The following NCSTN variants were observed in gnomAD, a reference collection of about 807,000 sequenced individuals.
NCSTN encodes nicastrin.
In NCSTN, 22 loss-of-function variants were observed where a neutral mutation model predicts 87.0. That is an observed-to-expected ratio of 0.25 (90% CI 0.18 to 0.36). The LOEUF is 0.36. NCSTN is among the 10% of genes least tolerant of loss of function. NCSTN has a pLI of 1.00. For missense variants in NCSTN, 693 were observed against 883.3 expected (o/e 0.78, Z 2.73); for synonymous variants, 306 against 327.1 (o/e 0.94, Z 0.69).
Position 160,357,181 on chromosome 1 carries a change from C to T in NCSTN, c.1935C>T (p.Tyr645=), listed in dbSNP as rs2101910806. ...FELSQWSSTE[Y]STWTESRWKD... ...TGAGTCAGTGGAGCTCTACTGAATA[C>T]TCTACATGGACTGAGAGCCGCTGGA... The change falls in exon 16 of 17, where the codon TAC becomes TAT. Residue 645 remains tyrosine (Y), a synonymous_variant. Transcript: ENST00000294785. The T allele has an allele frequency of 1.2e-6, 2 of 1,614,194 alleles. No homozygotes were observed. The highest frequency in any genetic ancestry group is 1.7e-6 in the Non-Finnish European group (2 of 1,180,030).
In NCSTN at chr1:160,352,086, C is replaced by T. The variant is rs1648881368; in HGVS notation, c.876C>T (p.Ala292=). ...GTCGTTCCTTTTTCTGGAATGTGGC[C>T]CCAGGGGCTGAAAGCGCAGTGGCTT... ...LDSRSFFWNV[A]PGAESAVASF... Residue 292 remains alanine (A), a synonymous_variant, in exon 8 of 17, where the codon GCC becomes GCT. Coordinates refer to ENST00000294785, the MANE Select transcript of NCSTN (RefSeq NM_015331.3). The T allele has an allele frequency of 3.1e-6, 5 of 1,614,046 alleles. No individual in the cohort carries two copies. Among genetic ancestry groups the T allele is most frequent in the South Asian group, 1.1e-5 (1 of 91,088 alleles).
chr1:160,343,954 G>GT (rs35301624), intron 1 of NCSTN: 5,622 of 151,856 alleles, frequency 0.037, 21 homozygotes, highest in South Asian at 0.068. Flanking sequence ...CTTGCCTCAG[G>GT]TTTTTTTTTT....
chr1:160,356,038 C>A, intron 13 of NCSTN, 80 bp downstream of exon 13: 1 of 1,339,484 alleles, frequency 7.5e-7, no homozygotes, highest in Non-Finnish European at 1.1e-6. Flanking sequence ...GTGTCCCAAA[C>A]CTTGGAATTC....
intron 15 of NCSTN, 119 bp downstream of exon 15, chr1:160,356,873 C>A (rs964308813): frequency 2.8e-6 from 4 of 1,440,000 alleles, no homozygotes. Flanking sequence ...AGATGCAGTC[C>A]TCAGCAATTG....
chr1:160,351,604 C>A (rs868040687), intron 6 of NCSTN, 92 bp from the exon 7 acceptor site: 4 of 1,317,820 alleles, frequency 3.0e-6, no homozygotes, highest in African/African-American at 2.9e-5. Context: ...ACTTAGAGTC[C>A]GTGGGGCACT....
rs1187658518 is a variant in NCSTN at position 160,349,021 on chromosome 1, G to A, written c.213G>A (p.Gly71=). 1 of 1,614,190 alleles carries A rather than the reference G, an allele frequency of 6.2e-7. No homozygotes were observed. Among genetic ancestry groups the A allele is most frequent in the Non-Finnish European group, 8.5e-7 (1 of 1,180,034 alleles). ...GCQSSISGDT[G]VIHVVEKEED... is the part of the protein sequence containing the mutation. Reference sequence around the variant, plus strand: ...CAGCTTCAATTAGTGGAGACACAGGGGTTATCCACGTAGTAGAGAAAGAGG... The same window carrying A: ...CAGCTTCAATTAGTGGAGACACAGGAGTTATCCACGTAGTAGAGAAAGAGG... The change falls in exon 3 of 17, where the codon GGG becomes GGA. Residue 71 remains glycine, a synonymous_variant. Transcript: ENST00000294785.
chr1:160,344,929 G>T, intron 2 of NCSTN, 103 bp downstream of exon 2: 1 of 954,282 alleles, frequency 1.0e-6, no homozygotes. Context: ...ACTTATATTG[G>T]ACTGTATGTA....
Position 160,351,219 on chromosome 1 carries a change from C to T in NCSTN, c.583-3C>T. 1 of 1,614,176 alleles carries T rather than the reference C, an allele frequency of 6.2e-7. No individual in the cohort carries two copies. The highest frequency in any genetic ancestry group is 8.5e-7 in the Non-Finnish European group (1 of 1,180,022). Reference sequence around the variant, plus strand: ...TCTCAGTGGGGTCCATCTCCCCTTTCAGTGCTATCAAGATCACAACCTGAG... The same window carrying T: ...TCTCAGTGGGGTCCATCTCCCCTTTTAGTGCTATCAAGATCACAACCTGAG... On this transcript the variant is annotated splice_region_variant and splice_polypyrimidine_tract_variant and intron_variant, in intron 5 of 16. Transcript: ENST00000294785.
At chr1:160,353,499 T>C in intron 10 of NCSTN, 2 of 1,361,454 alleles carry the variant, frequency 1.5e-6, no homozygotes, top group Non-Finnish European at 1.9e-6. Context: ...CCATTAAGGA[T>C]AGGTGAGTGA....
At position 160,346,746 on chromosome 1, in the gene NCSTN, C is replaced by T. The variant is rs546236477; in HGVS notation, c.190+1920C>T. Among the ~76,000 whole-genome samples the T allele has an allele frequency of 3.3e-5, 5 of 152,248 alleles. No homozygotes were observed. In the South Asian group the frequency reaches 1.0e-3, roughly 32 times the overall value. ...TCAGCTTCTTGAATAGCTGGGATTA[C>T]AGGCGCGTGCCACCGTGCCCAGCTA... On this transcript the variant is annotated intron_variant, in intron 2 of 16. Transcript: ENST00000294785.
In NCSTN at chr1:160,353,624, G is replaced by A. The variant is rs552275008; in HGVS notation, c.1179+387G>A. On this transcript the variant is annotated intron_variant, in intron 10 of 16. Coordinates refer to ENST00000294785, the MANE Select transcript of NCSTN (RefSeq NM_015331.3). ...TTGTCCTCCACTTTCCTCATTGCTTGTTCAAAACCTTCCCTTCCCTCTAGG... is the reference window on the plus strand; with the variant it reads ...TTGTCCTCCACTTTCCTCATTGCTTATTCAAAACCTTCCCTTCCCTCTAGG... 61 of 1,184,974 alleles carry A rather than the reference G, an allele frequency of 5.1e-5. No homozygotes were observed. In the African/African-American group the frequency reaches 9.1e-4, roughly 18 times the overall value. 73.4% of individuals were successfully genotyped at this position (1,184,974 alleles called of 1,614,324 possible). A position where few individuals can be genotyped will look rare whatever the true frequency, so the allele number is the denominator to read the frequency against.
rs151131279 is a variant in NCSTN at position 160,353,229 on chromosome 1, C to A, written c.1171C>A (p.Arg391=). 2 of 1,613,976 alleles carry A rather than the reference C, an allele frequency of 1.2e-6. No homozygotes were observed. The highest frequency in any genetic ancestry group is 2.7e-5 in the African/African-American group (2 of 74,872). Residue 391 remains arginine, a synonymous_variant, in exon 10 of 17, where the codon CGG becomes AGG. Transcript: ENST00000294785. The part of the protein sequence containing the change: ...DPVSQKNESV[R]NQVEDLLATL... ...TGTTTCTCAGAAAAATGAGTCTGTA[C>A]GGAACCAGGTAACCTGAGCATCTCC...
rs1331208315 is a variant in NCSTN at position 160,358,330 on chromosome 1, C to T, written c.*59C>T. On this transcript the variant is annotated 3_prime_UTR_variant, in exon 17 of 17. Transcript: ENST00000294785. Reference sequence around the variant, plus strand: ...TTCACTTCCTAGAGCATCTGTCCCACTGGGACACAACCACTAATTTGTCAC... The same window carrying T: ...TTCACTTCCTAGAGCATCTGTCCCATTGGGACACAACCACTAATTTGTCAC... 10 of 1,607,990 alleles carry T rather than the reference C, an allele frequency of 6.2e-6. No homozygotes were observed. The highest frequency in any genetic ancestry group is 1.7e-6 in the Non-Finnish European group (2 of 1,176,388).
chr1:160,349,041 AAG>A lies in NCSTN; in HGVS notation c.236_237del (p.Glu79GlyfsTer9). The A allele has an allele frequency of 6.2e-7, 1 of 1,614,176 alleles. No homozygotes were observed. The highest frequency in any genetic ancestry group is 8.5e-7 in the Non-Finnish European group (1 of 1,180,006). ...ACAGGGGTTATCCACGTAGTAGAGAAAGAGGAGGACCTACAGTGGGTATTGAC... is the reference window on the plus strand; with the variant it reads ...ACAGGGGTTATCCACGTAGTAGAGAAAGGAGGACCTACAGTGGGTATTGAC... On this transcript the variant is annotated frameshift_variant, in exon 3 of 17. Coordinates refer to ENST00000294785, the MANE Select transcript of NCSTN (RefSeq NM_015331.3). LOFTEE classifies it high-confidence loss of function.
At position 160,354,098 on chromosome 1, in the gene NCSTN, A is replaced by T. The variant is rs762041073; in HGVS notation, c.1180-20A>T. Reference sequence around the variant, plus strand: ...CCATCCCCCAGCCTCCCATCAGTTAATCTCCCTCGTACCCCCCAGGTGGAG... The same window carrying T: ...CCATCCCCCAGCCTCCCATCAGTTATTCTCCCTCGTACCCCCCAGGTGGAG... On this transcript the variant is annotated intron_variant, in intron 10 of 16. Transcript: ENST00000294785. The T allele has an allele frequency of 6.8e-6, 11 of 1,612,444 alleles. No homozygotes were observed. The African/African-American group carries it at 1.5e-4, about 22-fold the overall frequency.
intron 8 of NCSTN, among the ~76,000 whole-genome samples, 154 bp from the exon 9 acceptor site, chr1:160,352,733 G>A (rs1422435851): frequency 6.6e-6 from 1 of 152,226 alleles, no homozygotes; most frequent in East Asian, 1.9e-4. Flanking sequence ...GTGGGGCCAA[G>A]AGAAGCCGAA....
Position 160,353,430 on chromosome 1 carries a change from A to G in NCSTN, c.1179+193A>G, listed in dbSNP as rs1290223312. 5.4e-6 allele frequency: 8 copies of G among 1,484,374 alleles called. No individual in the cohort carries two copies. In the East Asian group the frequency reaches 1.3e-4, roughly 23 times the overall value. The allele number at this position is 1,484,374 out of a possible 1,614,324, so 92.0% of individuals were successfully genotyped here. A position where few individuals can be genotyped will look rare whatever the true frequency, so the allele number is the denominator to read the frequency against. ...AGAATCAGGAACTCAGTGACATTCC[A>G]TTGGTTCCCTGGACTGGGTAGTTCT... is the stretch of plus-strand genomic sequence containing the variant. On this transcript the variant is annotated intron_variant, in intron 10 of 16. Coordinates refer to ENST00000294785, the MANE Select transcript of NCSTN (RefSeq NM_015331.3).
chr1:160,354,731 G>A (rs1649045885), intron 11 of NCSTN, among the ~76,000 whole-genome samples: 1 of 152,150 alleles, frequency 6.6e-6, no homozygotes, highest in East Asian at 1.9e-4. Flanking sequence ...CTTGCCATGT[G>A]GTAGATGGCC....
At position 160,350,122 on chromosome 1, in the gene NCSTN, T is replaced by C. The variant is rs754413509; in HGVS notation, c.454T>C (p.Tyr152His). 2 of 1,614,068 alleles carry C rather than the reference T, an allele frequency of 1.2e-6. No homozygotes were observed. The highest frequency in any genetic ancestry group is 2.7e-5 in the African/African-American group (2 of 75,008). ...CCCTTCAGGTGTTTACTCCAATTCC[T>C]ATGGGCCAGAGTTTGCTCACTGCAG... ...NDGFGVYSNS[Y>H]GPEFAHCREI... The change falls in exon 5 of 17, where the codon TAT becomes CAT. Residue 152 changes from tyrosine to histidine, a missense_variant. By Grantham distance (83) the Tyr-to-His change is moderately conservative (BLOSUM62 2). Transcript: ENST00000294785.
Sources: gnomAD v4.1 joint callset for allele counts (sites outside exome capture counted in the v4.1 genomes callset) on GRCh38, gnomAD v4.1.1 for gene constraint, MANE v1.5 for transcripts, NCBI Gene and HGNC (gene_info 2026-07-23, HGNC 2026-07-21) for gene names.